Variants in TENM3 observed in about 807,000 individuals in gnomAD.
TENM3 encodes teneurin-3.
A neutral mutation model predicts 255.1 loss-of-function variants in TENM3; 63 were observed. The observed-to-expected ratio is 0.25, with a 90% confidence interval of 0.20 to 0.30. The LOEUF is 0.30. Ranked by LOEUF, TENM3 falls within the 10% of genes least tolerant of loss-of-function variation. The pLI, the probability that TENM3 is intolerant of heterozygous loss-of-function variation, is 1.00. For synonymous variants in TENM3, 1,306 were observed against 1,322.3 expected (o/e 0.99, Z 0.27); for missense variants, 2,929 against 3,461.1 (o/e 0.85, Z 3.86).
At chr4:181,479,276 A>G in the TENM3 span, among the ~76,000 whole-genome samples, 1 of 152,324 alleles carries the variant, frequency 6.6e-6, no homozygotes, top group South Asian at 2.1e-4. Flanking sequence ...CTTGGTATAC[A>G]TGTCACAAAA....
intron 3 of TENM3, among the ~76,000 whole-genome samples, chr4:182,562,812 C>G (rs1458844132): frequency 6.6e-6 from 1 of 152,172 alleles, no homozygotes; most frequent in African/African-American, 2.4e-5. Context: ...TAATTCTCTT[C>G]TGCTCCAGTC....
intron 2 of TENM3, among the ~76,000 whole-genome samples, chr4:182,335,449 C>G (rs943311954): frequency 1.5e-5 from 2 of 129,452 alleles, no homozygotes; most frequent in Non-Finnish European, 3.3e-5. Flanking sequence ...GAGCCGAGAT[C>G]GCGCCACCGC....
chr4:181,859,297 A>G, the TENM3 span, among the ~76,000 whole-genome samples: 1 of 151,118 alleles, frequency 6.6e-6, no homozygotes, highest in Admixed American at 6.6e-5. Context: ...CATATGAACT[A>G]TCTGACGATA....
chr4:182,564,748 G>A (rs1164433715), intron 3 of TENM3, among the ~76,000 whole-genome samples: 1 of 152,050 alleles, frequency 6.6e-6, no homozygotes, highest in Non-Finnish European at 1.5e-5. Context: ...GCATCAATAC[G>A]TGTCCTCCAT....
At chr4:181,854,630 T>C in the TENM3 span, among the ~76,000 whole-genome samples, 1 of 152,238 alleles carries the variant, frequency 6.6e-6, no homozygotes, top group African/African-American at 2.4e-5. Context: ...ATAATCTGCA[T>C]GCCTTTGTCT....
chr4:181,449,726 G>T, the TENM3 span, among the ~76,000 whole-genome samples: 1 of 152,210 alleles, frequency 6.6e-6, no homozygotes, highest in South Asian at 2.1e-4. Context: ...GGCCGAGGTT[G>T]CAATGAGCCG....
chr4:182,251,483 C>T (rs761237270), intron 1 of TENM3, among the ~76,000 whole-genome samples: 72 of 152,184 alleles, frequency 4.7e-4, no homozygotes, highest in Admixed American at 3.7e-3. Context: ...AAAACAAAAG[C>T]GATGATGGGA....
At chr4:182,204,198 A>G (rs534938479) in intron 1 of TENM3, among the ~76,000 whole-genome samples, 8 of 152,308 alleles carry the variant, frequency 5.3e-5, no homozygotes, top group South Asian at 4.1e-4. Flanking sequence ...ATTTTGCTGG[A>G]TGTAGTGTGT....
the TENM3 span, among the ~76,000 whole-genome samples, chr4:181,497,915 G>T: frequency 6.6e-6 from 1 of 152,264 alleles, no homozygotes; most frequent in South Asian, 2.1e-4. Context: ...ATTGATAATG[G>T]TGTTTTCAAA....
chr4:181,593,134 C>T, the TENM3 span, among the ~76,000 whole-genome samples: 1 of 152,210 alleles, frequency 6.6e-6, no homozygotes, highest in Non-Finnish European at 1.5e-5. Flanking sequence ...AGTTATGCCA[C>T]AATCACTTCT....
chr4:182,175,311 A>AT (rs1181174557), intron 1 of TENM3, among the ~76,000 whole-genome samples: 14 of 80,172 alleles, frequency 1.7e-4, no homozygotes, highest in African/African-American at 5.7e-4. Context: ...TTAAAAAAAA[A>AT]AAAATATATA....
chr4:181,954,953 C>A, the TENM3 span, among the ~76,000 whole-genome samples: 1 of 152,202 alleles, frequency 6.6e-6, no homozygotes, highest in Non-Finnish European at 1.5e-5. Context: ...TTTTCCAGCA[C>A]TGTACCAAAA....
chr4:181,987,315 T>A, the TENM3 span, among the ~76,000 whole-genome samples: 1 of 152,104 alleles, frequency 6.6e-6, no homozygotes, highest in African/African-American at 2.4e-5. Flanking sequence ...TTTGCAATTG[T>A]GTAAGGGAAT....
chr4:182,635,501 T>A (rs903283100), intron 5 of TENM3, among the ~76,000 whole-genome samples: 1 of 152,206 alleles, frequency 6.6e-6, no homozygotes, highest in Non-Finnish European at 1.5e-5. Flanking sequence ...AAATCTGAAA[T>A]TTTTAAGGGA....
intron 13 of TENM3, among the ~76,000 whole-genome samples, chr4:182,726,272 G>A (rs1280318280): frequency 1.3e-5 from 2 of 152,170 alleles, no homozygotes; most frequent in Non-Finnish European, 2.9e-5. Context: ...GGATAAGCTA[G>A]GTCTCTGTCA....
chr4:182,061,725 G>T, the TENM3 span, among the ~76,000 whole-genome samples: 1 of 152,142 alleles, frequency 6.6e-6, no homozygotes, highest in East Asian at 1.9e-4. Flanking sequence ...TTGGGAGACC[G>T]AGATGGGAGG....
At chr4:181,769,150 T>C in the TENM3 span, among the ~76,000 whole-genome samples, 3 of 152,298 alleles carry the variant, frequency 2.0e-5, no homozygotes, top group East Asian at 5.8e-4. Context: ...GCTTTACTCA[T>C]TATCTTTAAA....
chr4:182,202,194 T>C (rs1754223577), intron 1 of TENM3, among the ~76,000 whole-genome samples: 1 of 151,972 alleles, frequency 6.6e-6, no homozygotes, highest in South Asian at 2.1e-4. Context: ...AACTGGAACG[T>C]GGGCTTGTGA....
the TENM3 span, among the ~76,000 whole-genome samples, chr4:181,729,154 A>C: frequency 1.3e-5 from 2 of 152,348 alleles, no homozygotes; most frequent in South Asian, 4.1e-4. Context: ...AATTCTGTAC[A>C]TAATTCTGTG....
Sources: gnomAD v4.1 joint callset for allele counts (sites outside exome capture counted in the v4.1 genomes callset) on GRCh38, gnomAD v4.1.1 for gene constraint, MANE v1.5 for transcripts, NCBI Gene and HGNC (gene_info 2026-07-23, HGNC 2026-07-21) for gene names.